Variants in ADAMTSL5 observed in about 807,000 individuals in gnomAD.
The protein encoded by ADAMTSL5 is ADAMTS-like protein 5.
ADAMTSL5 carries 53 observed loss-of-function variants against 51.7 expected under a neutral mutation model. That is an observed-to-expected ratio of 1.03 (90% CI 0.82 to 1.29). The LOEUF is 1.29. Ranked by LOEUF, ADAMTSL5 falls within the 50% of genes most tolerant of loss-of-function variation. ADAMTSL5 has a pLI of 0.00. For missense variants in ADAMTSL5, 770 were observed against 676.2 expected (o/e 1.14, Z -1.54); for synonymous variants, 285 against 278.7 (o/e 1.02, Z -0.23).
intron 6 of ADAMTSL5, 99 bp from the exon 7 acceptor site, chr19:1,508,208 A>G (rs1913064605): frequency 7.3e-7 from 1 of 1,364,920 alleles, no homozygotes; most frequent in African/African-American, 1.4e-5. Flanking sequence ...GCCTGGAGGG[A>G]AGATGGGGGT....
In ADAMTSL5 at chr19:1,506,378, T is replaced by A. The variant is rs1912925180; in HGVS notation, c.1115-62A>T. 2.6e-6 allele frequency: 4 copies of A among 1,521,648 alleles called. No homozygotes were observed. The African/African-American group carries it at 4.1e-5, about 16-fold the overall frequency. 94.3% of individuals were successfully genotyped at this position (1,521,648 alleles called of 1,614,324 possible). ...ACTCTGCGCAAATCTCTACGCCCCC[T>A]CCCTTGCCAGAAGAGGGACTGAGGG... On this transcript the variant is annotated intron_variant, in intron 11 of 11. Coordinates refer to ENST00000330475, the MANE Select transcript of ADAMTSL5 (RefSeq NM_213604.3). This position sits in a 1 kb window ranked among gnomAD's most constrained non-coding sequence, Gnocchi z 5.6.
chr19:1,510,999 T>A lies in ADAMTSL5; in HGVS notation c.-56A>T. Reference sequence around the variant, plus strand: ...CCCGGCTCTGCCCTGACTGGCTGTGTGATCTTGGAAAGTAACTAAACCTCT... The same window carrying A: ...CCCGGCTCTGCCCTGACTGGCTGTGAGATCTTGGAAAGTAACTAAACCTCT... On this transcript the variant is annotated 5_prime_UTR_variant, in exon 2 of 12. Coordinates refer to ENST00000330475, the MANE Select transcript of ADAMTSL5 (RefSeq NM_213604.3). 3 of 1,272,564 alleles carry A rather than the reference T, an allele frequency of 2.4e-6. No homozygotes were observed. The highest frequency in any genetic ancestry group is 2.0e-6 in the Non-Finnish European group (2 of 982,710). 78.8% of individuals were successfully genotyped at this position (1,272,564 alleles called of 1,614,324 possible). A position where few individuals can be genotyped will look rare whatever the true frequency, so the allele number is the denominator to read the frequency against.
intron 2 of ADAMTSL5, 40 bp from the exon 3 acceptor site, chr19:1,510,770 G>T (rs1054075711): frequency 6.6e-7 from 1 of 1,521,512 alleles, no homozygotes; most frequent in Non-Finnish European, 8.8e-7. Flanking sequence ...CTTGTAGGGG[G>T]ACGCTGGTGA....
In ADAMTSL5 at chr19:1,508,038, G is replaced by T. The variant is rs1403465932; in HGVS notation, c.561C>A (p.Asn187Lys). The T allele has an allele frequency of 1.2e-6, 2 of 1,608,824 alleles. No individual in the cohort carries two copies. The highest frequency in any genetic ancestry group is 1.7e-6 in the Non-Finnish European group (2 of 1,178,344). The change falls in exon 7 of 12, where the codon AAC (asparagine) becomes AAA (lysine). Residue 187 changes from asparagine (N) to lysine (K), a missense_variant. Physicochemically the swap from Asn to Lys is moderately conservative, Grantham distance 94. Transcript: ENST00000330475. ...EDRCGRCGGA[N>K]DSCLFVQRVF... ...CGCGCTGCACGAAAAGGCACGAGTC[G>T]TTGGCGCCTCCGCAGCGGCCACAGC...
chr19:1,507,903 C>A (rs571301355), intron 7 of ADAMTSL5, 95 bp downstream of exon 7: 3 of 1,338,074 alleles, frequency 2.2e-6, no homozygotes, highest in African/African-American at 2.9e-5. Flanking sequence ...CTGGGCCGCA[C>A]ACTGGCCAAT....
At chr19:1,507,745 G>T in intron 7 of ADAMTSL5, 102 bp from the exon 8 acceptor site, 1 of 1,247,110 alleles carries the variant, frequency 8.0e-7, no homozygotes, top group Non-Finnish European at 1.1e-6. Flanking sequence ...GCTAGCCAGG[G>T]TCCTGGGAAC....
At chr19:1,507,103 TGCTC>T in intron 9 of ADAMTSL5, 135 bp downstream of exon 9, 1 of 1,169,976 alleles carries the variant, frequency 8.5e-7, no homozygotes, top group Non-Finnish European at 1.2e-6. Context: ...CCCCCTCTGA[TGCTC>T]TGTCCCAGCC....
In ADAMTSL5 at chr19:1,507,636, G is replaced by A. The variant is rs1260444500; in HGVS notation, c.609C>T (p.Phe203=). Residue 203 remains phenylalanine (F), a synonymous_variant, in exon 8 of 12, where the codon TTC becomes TTT. Transcript: ENST00000330475. ...VQRVFRDAGA[F]AGYWNVTLIP... ...TCAGGGTCACGTTCCAGTACCCAGC[G>A]AAGGCACCTGGGTGGGAGGGTAGGA... is the stretch of plus-strand genomic sequence containing the variant. 2 of 1,613,490 alleles carry A rather than the reference G, an allele frequency of 1.2e-6. No homozygotes were observed. The highest frequency in any genetic ancestry group is 2.2e-5 in the East Asian group (1 of 44,878).
chr19:1,507,606 G>A lies in ADAMTSL5; in HGVS notation c.639C>T (p.Pro213=), dbSNP rs891202749. ...CCACGCGGATGTGTCTGGCGCCCTC[G>A]GGGATCAGGGTCACGTTCCAGTACC... The part of the protein sequence containing the change: ...FAGYWNVTLI[P]EGARHIRVEH... Residue 213 remains proline (P), a synonymous_variant, in exon 8 of 12, where the codon CCC becomes CCT. Transcript: ENST00000330475. 5 of 1,613,332 alleles carry A rather than the reference G, an allele frequency of 3.1e-6. No individual in the cohort carries two copies. The highest frequency in any genetic ancestry group is 3.4e-6 in the Non-Finnish European group (4 of 1,180,008).
At position 1,510,220 on chromosome 19, in the gene ADAMTSL5, C is replaced by A. The variant is rs765679876; in HGVS notation, c.291G>T (p.Gln97His). 6.2e-7 allele frequency: 1 copy of A among 1,613,350 alleles called. No individual in the cohort carries two copies. Residue 97 changes from glutamine to histidine, a missense_variant, in exon 5 of 12, where the codon CAG becomes CAT. By Grantham distance (24) the Gln-to-His change is conservative (BLOSUM62 0). Coordinates refer to ENST00000330475, the MANE Select transcript of ADAMTSL5 (RefSeq NM_213604.3). ...CAGGGCGGCCATTGTACAGGGCACA[C>A]TGTAGGTCTCGGAAGGGCACAGCCC... is the stretch of plus-strand genomic sequence containing the variant. ...PPGAVPFRDL[Q>H]CALYNGRPVL...
At chr19:1,508,343 GGGTGGAGGCTAATGGGAGGAGGGCGGA>G (rs1913072572) in intron 6 of ADAMTSL5, 73 bp downstream of exon 6, 13 of 1,366,966 alleles carry the variant, frequency 9.5e-6, no homozygotes, top group Admixed American at 2.6e-5. Flanking sequence ...CCTAGGGAGG[GGGTGGAGGCTAATGGGAGGAGGGCGGA>G]GGTGGAGCCT....
At chr19:1,509,954 C>T (rs1359151017) in intron 5 of ADAMTSL5, among the ~76,000 whole-genome samples, 196 bp downstream of exon 5, 1 of 152,144 alleles carries the variant, frequency 6.6e-6, no homozygotes, top group African/African-American at 2.4e-5. Flanking sequence ...CAGCCCTGTG[C>T]AGAATGAACC....
intron 1 of ADAMTSL5, chr19:1,511,730 G>T: frequency 2.0e-6 from 1 of 512,284 alleles, no homozygotes; most frequent in Non-Finnish European, 3.5e-6. Context: ...GTGACACCCT[G>T]CGGAAGGTGC....
In ADAMTSL5 at chr19:1,506,472, G is replaced by T; in HGVS notation, c.1114+118C>A. The T allele has an allele frequency of 1.4e-6, 2 of 1,467,144 alleles. No individual in the cohort carries two copies. Among genetic ancestry groups the T allele is most frequent in the Non-Finnish European group, 1.9e-6 (2 of 1,068,956 alleles). The allele number at this position is 1,467,144 out of a possible 1,614,324, so 90.9% of individuals were successfully genotyped here. ...CGTCAGGGATCAATGAGGGATTAGG[G>T]TCAAGAGGCAAATTAGGATCAGAAG... is the stretch of plus-strand genomic sequence containing the variant. On this transcript the variant is annotated intron_variant, in intron 11 of 11. Coordinates refer to ENST00000330475, the MANE Select transcript of ADAMTSL5 (RefSeq NM_213604.3). This position sits in a 1 kb window ranked among gnomAD's most constrained non-coding sequence, Gnocchi z 5.6.
intron 3 of ADAMTSL5, 77 bp from the exon 4 acceptor site, chr19:1,510,505 A>C: frequency 6.6e-7 from 1 of 1,515,030 alleles, no homozygotes. Context: ...CGCCCCCGCC[A>C]ACCCCACCCG....
In ADAMTSL5 at chr19:1,506,992, C is replaced by G. The variant is rs1912969513; in HGVS notation, c.853-64G>C. The G allele has an allele frequency of 6.8e-7, 1 of 1,471,256 alleles. No homozygotes were observed. Among genetic ancestry groups the G allele is most frequent in the African/African-American group, 1.4e-5 (1 of 69,752 alleles). The allele number at this position is 1,471,256 out of a possible 1,614,324, so 91.1% of individuals were successfully genotyped here. Reference sequence around the variant, plus strand: ...GCTGGGGTTGCCTCCTGCCTCTGACCCTACGACCCCAGCCTCCCCACTTTG... The same window carrying G: ...GCTGGGGTTGCCTCCTGCCTCTGACGCTACGACCCCAGCCTCCCCACTTTG... On this transcript the variant is annotated intron_variant, in intron 9 of 11. Coordinates refer to ENST00000330475, the MANE Select transcript of ADAMTSL5 (RefSeq NM_213604.3). The surrounding 1 kb of genome is among the most constrained non-coding windows in gnomAD (Gnocchi z 5.6).
In ADAMTSL5 at chr19:1,510,953, G is replaced by T. The variant is rs748702284; in HGVS notation, c.-10C>A. On this transcript the variant is annotated 5_prime_UTR_variant, in exon 2 of 12. Coordinates refer to ENST00000330475, the MANE Select transcript of ADAMTSL5 (RefSeq NM_213604.3). Reference sequence around the variant, plus strand: ...GAGGGGCCGAGTCCATAGAGCCACCGCCAGAGACACAGGGTTGTGTCCCGG... The same window carrying T: ...GAGGGGCCGAGTCCATAGAGCCACCTCCAGAGACACAGGGTTGTGTCCCGG... 2 of 1,415,238 alleles carry T rather than the reference G, an allele frequency of 1.4e-6. No individual in the cohort carries two copies. The highest frequency in any genetic ancestry group is 9.2e-7 in the Non-Finnish European group (1 of 1,085,986). 87.7% of individuals were successfully genotyped at this position (1,415,238 alleles called of 1,614,324 possible). A position where few individuals can be genotyped will look rare whatever the true frequency, so the allele number is the denominator to read the frequency against.
In ADAMTSL5 at chr19:1,506,579, G is replaced by A. The variant is rs1191786051; in HGVS notation, c.1114+11C>T. 17 of 1,610,296 alleles carry A rather than the reference G, an allele frequency of 1.1e-5. No individual in the cohort carries two copies. The highest frequency in any genetic ancestry group is 8.9e-5 in the South Asian group (8 of 90,004). ...TAGGGGCTAAGTCAGGGTAGAGGTC[G>A]GGGGTCTCACCAAAGTCACTGCCGC... On this transcript the variant is annotated intron_variant, in intron 11 of 11. Coordinates refer to ENST00000330475, the MANE Select transcript of ADAMTSL5 (RefSeq NM_213604.3). This position sits in a 1 kb window ranked among gnomAD's most constrained non-coding sequence, Gnocchi z 5.6.
chr19:1,507,501 G>A, intron 8 of ADAMTSL5, 56 bp downstream of exon 8: 1 of 1,612,186 alleles, frequency 6.2e-7, no homozygotes, highest in Non-Finnish European at 8.5e-7. Flanking sequence ...CTGTAAACAG[G>A]GACAACCGCC....
Sources: allele counts gnomAD v4.1 joint callset (sites outside exome capture counted in the v4.1 genomes callset), GRCh38; gene constraint gnomAD v4.1.1; non-coding constraint Gnocchi (gnomAD v3.1); transcripts MANE v1.5; gene names NCBI Gene and HGNC (gene_info 2026-07-23, HGNC 2026-07-21).